KDM6A: variants seen among roughly 807,000 people sequenced by gnomAD.
KDM6A encodes lysine demethylase 6A, also known as lysine-specific demethylase 6A.
In KDM6A, 11 loss-of-function variants were observed where a neutral mutation model predicts 117.6. That is an observed-to-expected ratio of 0.09 (90% CI 0.06 to 0.15). The LOEUF is 0.15. Ranked by LOEUF, KDM6A falls within the 10% of genes least tolerant of loss-of-function variation. KDM6A has a pLI of 1.00. For synonymous variants in KDM6A, 384 were observed against 396.1 expected (o/e 0.97, Z 0.36); for missense variants, 799 against 1,077.3 (o/e 0.74, Z 3.62).
intron 28 of KDM6A, among the ~76,000 whole-genome samples, chrX:45,109,172 A>G (rs916790150): frequency 2.9e-5 from 3 of 103,187 alleles, no homozygotes; most frequent in South Asian, 9.0e-4. Context: ...AAATAAATAA[A>G]GTACCTGTAA....
At chrX:45,022,417 C>T (rs766901108) in intron 6 of KDM6A, among the ~76,000 whole-genome samples, 21 of 111,411 alleles carry the variant, frequency 1.9e-4, no homozygotes, top group Non-Finnish European at 2.8e-4. Context: ...GGGACTTTTA[C>T]CTTTAACGAG....
chrX:45,071,825 A>G (rs2044857295), intron 18 of KDM6A, among the ~76,000 whole-genome samples: 1 of 109,159 alleles, frequency 9.2e-6, no homozygotes, highest in Non-Finnish European at 1.9e-5. Flanking sequence ...GCTGGAGTGC[A>G]ATGGCGCGAT....
chrX:44,914,694 G>A (rs2035445600), intron 2 of KDM6A, among the ~76,000 whole-genome samples: 1 of 110,868 alleles, frequency 9.0e-6, no homozygotes, highest in South Asian at 3.8e-4. Flanking sequence ...ACCAGTTTTT[G>A]TAAGTTATTT....
chrX:45,011,632 A>G (rs755874682), intron 5 of KDM6A, among the ~76,000 whole-genome samples: 10 of 111,876 alleles, frequency 8.9e-5, no homozygotes, highest in African/African-American at 2.6e-4. Flanking sequence ...TTACCAGACA[A>G]TAGTATGCAC....
At chrX:45,104,135 C>G (rs1255784290) in intron 27 of KDM6A, among the ~76,000 whole-genome samples, 1 of 108,888 alleles carries the variant, frequency 9.2e-6, no homozygotes, top group Non-Finnish European at 1.9e-5. Flanking sequence ...AGCAATTCTT[C>G]TGCCTCAGCC....
At chrX:45,075,180 AACT>A (rs1358591371) in intron 18 of KDM6A, among the ~76,000 whole-genome samples, 1 of 111,839 alleles carries the variant, frequency 8.9e-6, no homozygotes, top group Non-Finnish European at 1.9e-5. Flanking sequence ...TCAGCATGAA[AACT>A]ATTATTTATG....
At chrX:45,064,669 T>G (rs1268235007) in intron 17 of KDM6A, among the ~76,000 whole-genome samples, 1 of 112,222 alleles carries the variant, frequency 8.9e-6, no homozygotes, top group Non-Finnish European at 1.9e-5. Context: ...GCTCTCAATA[T>G]GTATAGCCAA....
intron 18 of KDM6A, 124 bp downstream of exon 18, chrX:45,070,481 G>GT (rs912898282): frequency 3.3e-6 from 2 of 614,913 alleles, no homozygotes; most frequent in African/African-American, 4.4e-5. Context: ...TCATCTAAGA[G>GT]TTTGACAGAA....
At chrX:45,108,838 A>T (rs1485348059) in intron 28 of KDM6A, among the ~76,000 whole-genome samples, 2 of 100,767 alleles carry the variant, frequency 2.0e-5, no homozygotes, top group Non-Finnish European at 4.0e-5. Flanking sequence ...ATGAAATTGG[A>T]AACCATCATT....
intron 3 of KDM6A, among the ~76,000 whole-genome samples, chrX:44,968,962 C>T (rs1386770343): frequency 1.2e-5 from 1 of 86,737 alleles, no homozygotes; most frequent in Non-Finnish European, 2.1e-5. Flanking sequence ...AAGAATGAAA[C>T]TCCATCTCAA....
intron 6 of KDM6A, among the ~76,000 whole-genome samples, chrX:45,031,184 AC>A (rs2042588395): frequency 8.9e-6 from 1 of 111,901 alleles, no homozygotes; most frequent in East Asian, 2.8e-4. Context: ...CTCTTTTCTT[AC>A]TTTCCTCATC....
chrX:44,976,752 C>A (rs2039636589), intron 4 of KDM6A, among the ~76,000 whole-genome samples: 1 of 111,521 alleles, frequency 9.0e-6, no homozygotes. Flanking sequence ...TGGGTTGTTT[C>A]ATTTTTTGGC....
intron 21 of KDM6A, among the ~76,000 whole-genome samples, chrX:45,081,692 G>A (rs770262302): frequency 2.7e-5 from 3 of 112,276 alleles, no homozygotes; most frequent in Non-Finnish European, 1.9e-5. Context: ...GGGCAGGTAT[G>A]AGAATCTGTA....
intron 5 of KDM6A, among the ~76,000 whole-genome samples, chrX:45,018,303 CGAG>C (rs1242403423): frequency 1.8e-4 from 20 of 110,910 alleles, no homozygotes; most frequent in African/African-American, 3.9e-4. Context: ...GAAAGAACAA[CGAG>C]GAGAACTTTG....
chrX:44,912,829 G>A (rs763292710), intron 2 of KDM6A, among the ~76,000 whole-genome samples: 48 of 112,137 alleles, frequency 4.3e-4, no homozygotes, highest in African/African-American at 1.3e-3. Context: ...CCTGCATATT[G>A]ATTATTATAT....
intron 2 of KDM6A, among the ~76,000 whole-genome samples, chrX:44,952,899 C>G (rs1450790999): frequency 1.8e-5 from 2 of 110,341 alleles, no homozygotes; most frequent in Admixed American, 1.9e-4. Flanking sequence ...ACCTCTCAGC[C>G]TCCTGAGTAG....
chrX:45,048,177 A>G (rs1010242051), intron 8 of KDM6A, among the ~76,000 whole-genome samples: 1 of 108,213 alleles, frequency 9.2e-6, no homozygotes, highest in Non-Finnish European at 1.9e-5. Context: ...AAAAAAAAAA[A>G]AAACTACAAA....
At chrX:45,023,239 G>A (rs1033074683) in intron 6 of KDM6A, among the ~76,000 whole-genome samples, 5 of 111,965 alleles carry the variant, frequency 4.5e-5, no homozygotes, top group Admixed American at 9.5e-5. Context: ...CAGTCTGTCC[G>A]TTACAGATCA....
intron 6 of KDM6A, among the ~76,000 whole-genome samples, chrX:45,031,345 A>G (rs1294555628): frequency 8.9e-6 from 1 of 112,183 alleles, no homozygotes; most frequent in Non-Finnish European, 1.9e-5. Context: ...CATAGATAAA[A>G]GCTGGTTGCC....
Sources: gnomAD v4.1 joint callset for allele counts (sites outside exome capture counted in the v4.1 genomes callset) on GRCh38, gnomAD v4.1.1 for gene constraint, MANE v1.5 for transcripts, NCBI Gene and HGNC (gene_info 2026-07-23, HGNC 2026-07-21) for gene names.